DHX16: variants seen among roughly 807,000 people sequenced by gnomAD.
The protein encoded by DHX16 is pre-mRNA-splicing factor ATP-dependent RNA helicase DHX16.
DHX16 carries 81 observed loss-of-function variants against 131.2 expected under a neutral mutation model. That is an observed-to-expected ratio of 0.62 (90% CI 0.52 to 0.74). The LOEUF (loss-of-function observed/expected upper bound fraction) is 0.74, where lower values mean the gene tolerates loss of function less well. Among genes scored for constraint, DHX16 ranks in the 30% least tolerant of loss-of-function variants. The probability of loss-of-function intolerance (pLI) is 0.00; values close to 1 mark genes in which losing one functional copy is unlikely to be tolerated. For missense variants in DHX16, 980 were observed against 1,363.1 expected (o/e 0.72, Z 4.43); for synonymous variants, 440 against 520.2 (o/e 0.85, Z 2.10).
Position 30,655,220 on chromosome 6 carries a change from T to G in DHX16, c.2778A>C (p.Glu926Asp). The change falls in exon 18 of 20, where the codon GAA becomes GAC. Residue 926 changes from glutamate (E) to aspartate (D), a missense_variant. Around this residue, in one of 3 missense-constraint regions of DHX16, gnomAD observed 214 missense variants for 271.2 expected, o/e 0.79. Coordinates refer to ENST00000376442, the MANE Select transcript of DHX16 (RefSeq NM_003587.5). The part of the protein sequence containing the change: ...EQLEGLLERV[E>D]VGLSSCQGDY... ...CCCCCTGGCAGGAACTGAGACCAACTTCCACACGTTCCAAGAGCCCTTCCA... is the reference window on the plus strand; with the variant it reads ...CCCCCTGGCAGGAACTGAGACCAACGTCCACACGTTCCAAGAGCCCTTCCA... 1 of 1,614,054 alleles carries G rather than the reference T, an allele frequency of 6.2e-7. No homozygotes were observed. The highest frequency in any genetic ancestry group is 2.2e-5 in the East Asian group (1 of 44,898).
At position 30,665,516 on chromosome 6, in the gene DHX16, G is replaced by A. The variant is rs903369361; in HGVS notation, c.884C>T (p.Thr295Ile). ...AAGEQEKLEA[T>I]NRYHMPKETR... ...TTCCTTGGGCATGTGGTAGCGATTG[G>A]TGGCCTCCAGCTTCTCCTGCTCCCC... The change falls in exon 5 of 20, where the codon ACC becomes ATC. Residue 295 changes from threonine (T) to isoleucine (I), a missense_variant. This residue lies in a region of DHX16 where 457 missense variants were observed against 554.8 expected (regional missense o/e 0.82). Transcript: ENST00000376442. This position sits in a 1 kb window ranked among gnomAD's most constrained non-coding sequence, Gnocchi z 4.8. The A allele has an allele frequency of 8.7e-6, 14 of 1,612,898 alleles. No individual in the cohort carries two copies. Among genetic ancestry groups the A allele is most frequent in the African/African-American group, 1.3e-5 (1 of 74,906 alleles).
intron 7 of DHX16, among the ~76,000 whole-genome samples, chr6:30,664,119 C>A (rs1456679837): frequency 1.3e-5 from 2 of 151,938 alleles, no homozygotes; most frequent in Non-Finnish European, 1.5e-5. Flanking sequence ...GCCCAGGAGT[C>A]CCAGGTTGCA....
In DHX16 at chr6:30,672,888, C is replaced by T. The variant is rs752187758; in HGVS notation, c.-47G>A. 5 of 1,605,692 alleles carry T rather than the reference C, an allele frequency of 3.1e-6. No homozygotes were observed. The highest frequency in any genetic ancestry group is 2.3e-5 in the East Asian group (1 of 44,326). On this transcript the variant is annotated 5_prime_UTR_variant, in exon 1 of 20. Transcript: ENST00000376442. ...CCGGCCCTGAAGCGTCGGGCAGCCG[C>T]GCTCACTGCTGGGCCGGTCAGAGGC...
Position 30,659,480 on chromosome 6 carries a change from C to A in DHX16, c.1999G>T (p.Ala667Ser). 1 of 1,592,632 alleles carries A rather than the reference C, an allele frequency of 6.3e-7. No individual in the cohort carries two copies. The highest frequency in any genetic ancestry group is 8.5e-7 in the Non-Finnish European group (1 of 1,169,866). The change falls in exon 12 of 20, where the codon GCA becomes TCA. Residue 667 changes from alanine (A) to serine (S), a missense_variant. Transcript: ENST00000376442. ...ARIFQPTPPGARKVVVATNIA... is the reference protein window; with the variant it reads ...ARIFQPTPPGSRKVVVATNIA... ...GGGTTTCTCCAACTGACCTTTCGTGCCCCAGGTGGTGTGGGCTGGAAGATA... is the reference window on the plus strand; with the variant it reads ...GGGTTTCTCCAACTGACCTTTCGTGACCCAGGTGGTGTGGGCTGGAAGATA...
At chr6:30,667,620 A>G (rs1017177094) in intron 4 of DHX16, among the ~76,000 whole-genome samples, 2 of 151,974 alleles carry the variant, frequency 1.3e-5, no homozygotes, top group Admixed American at 6.6e-5. Context: ...GCAATCCCCA[A>G]TAAAAATAAC....
chr6:30,671,514 T>C (rs1582971874), intron 1 of DHX16, among the ~76,000 whole-genome samples: 1 of 150,414 alleles, frequency 6.6e-6, no homozygotes, highest in African/African-American at 2.5e-5. Flanking sequence ...CGCCCGACTA[T>C]TTTTGTATTT....
intron 1 of DHX16, 83 bp from the exon 2 acceptor site, chr6:30,671,357 ATTAC>A (rs1769534927): frequency 1.5e-6 from 2 of 1,340,672 alleles, no homozygotes; most frequent in Non-Finnish European, 2.1e-6. Context: ...AATTTAAGCA[ATTAC>A]TTAGTCTTTC....
In DHX16 at chr6:30,653,180, A is replaced by G; in HGVS notation, c.*62T>C. On this transcript the variant is annotated 3_prime_UTR_variant, in exon 20 of 20. Transcript: ENST00000376442. The stretch of plus-strand genomic sequence containing the variant: ...TATTCCAAAAATAATTTTATTTAAT[A>G]GGTATTAAATAATGTATAGAAGGAA... The G allele has an allele frequency of 1.3e-6, 2 of 1,532,358 alleles. No homozygotes were observed. The highest frequency in any genetic ancestry group is 2.2e-5 in the Admixed American group (1 of 46,044). The allele number at this position is 1,532,358 out of a possible 1,614,324, so 94.9% of individuals were successfully genotyped here.
chr6:30,660,455 A>C, intron 9 of DHX16: 1 of 437,138 alleles, frequency 2.3e-6, no homozygotes, highest in Admixed American at 3.9e-5. Flanking sequence ...AACCTATCCC[A>C]GCCTCAGCAG....
Position 30,656,312 on chromosome 6 carries a change from C to T in DHX16, c.2431-47G>A. 1 of 1,612,388 alleles carries T rather than the reference C, an allele frequency of 6.2e-7. No homozygotes were observed. The highest frequency in any genetic ancestry group is 8.5e-7 in the Non-Finnish European group (1 of 1,178,652). ...TTGAGCCCAGTCCTCCCTCAGGTTT[C>T]CCGCTACTACTACAGGGGTCCCTGG... is the stretch of plus-strand genomic sequence containing the variant. On this transcript the variant is annotated intron_variant, in intron 15 of 19. Transcript: ENST00000376442. This position sits in a 1 kb window ranked among gnomAD's most constrained non-coding sequence, Gnocchi z 5.1.
rs187119719 is a variant in DHX16, at chr6:30,658,204, A to G, written c.2008-1112T>C. On this transcript the variant is annotated intron_variant, in intron 12 of 19. Transcript: ENST00000376442. The stretch of plus-strand genomic sequence containing the variant: ...CGGATCACTTGAGTCCAGGAGTTCA[A>G]GACCAGCCTGGCCAACATGGCGAAA... Among the ~76,000 whole-genome samples the G allele has an allele frequency of 4.8e-4, 73 of 152,316 alleles. No homozygotes were observed. The South Asian group carries it at 8.9e-3, about 19-fold the overall frequency.
intron 1 of DHX16, 134 bp from the exon 2 acceptor site, chr6:30,671,408 C>G (rs1769540883): frequency 2.4e-6 from 2 of 819,266 alleles, no homozygotes; most frequent in Non-Finnish European, 3.9e-6. Context: ...CAGGCAATGG[C>G]GTGATCTCGG....
Position 30,670,665 on chromosome 6 carries a change from G to A in DHX16, c.609+125C>T, listed in dbSNP as rs1027438725. 1.4e-6 allele frequency: 2 copies of A among 1,381,152 alleles called. No homozygotes were observed. Among genetic ancestry groups the A allele is most frequent in the East Asian group, 2.3e-5 (1 of 43,176 alleles). 85.6% of individuals were successfully genotyped at this position (1,381,152 alleles called of 1,614,324 possible). A position where few individuals can be genotyped will look rare whatever the true frequency, so the allele number is the denominator to read the frequency against. ...GATGCACAGGGCTTCTCTCACCACA[G>A]AGGTGAACATCTCACTAGAGACAGC... is the stretch of plus-strand genomic sequence containing the variant. On this transcript the variant is annotated intron_variant, in intron 3 of 19. Coordinates refer to ENST00000376442, the MANE Select transcript of DHX16 (RefSeq NM_003587.5). This position sits in a 1 kb window ranked among gnomAD's most constrained non-coding sequence, Gnocchi z 4.4.
intron 4 of DHX16, among the ~76,000 whole-genome samples, chr6:30,668,650 C>CA (rs570726923): frequency 1.5e-4 from 22 of 149,384 alleles, no homozygotes; most frequent in South Asian, 8.4e-4. Context: ...GATTCTGTCT[C>CA]AAAAAAAACC....
Position 30,656,908 on chromosome 6 carries a change from G to A in DHX16, c.2148+44C>T, listed in dbSNP as rs371537749. ...TGCTTCTGAGTTGGACCTTCTCTGT[G>A]GGCCAACTCCACCTCCCCCACTCCC... On this transcript the variant is annotated intron_variant, in intron 13 of 19. Transcript: ENST00000376442. The surrounding 1 kb of genome is among the most constrained non-coding windows in gnomAD (Gnocchi z 5.1). The A allele has an allele frequency of 3.8e-6, 6 of 1,597,184 alleles. No individual in the cohort carries two copies. In the African/African-American group the frequency reaches 5.4e-5, roughly 14 times the overall value.
chr6:30,655,053 AC>A, intron 18 of DHX16, 121 bp downstream of exon 18: 1 of 1,444,910 alleles, frequency 6.9e-7, no homozygotes. Context: ...CTGGGAGGAC[AC>A]GTCATACACA....
At chr6:30,660,401 T>C (rs1049641937) in intron 9 of DHX16, 159 bp from the exon 10 acceptor site, 2 of 545,276 alleles carry the variant, frequency 3.7e-6, no homozygotes, top group Admixed American at 3.7e-5. Flanking sequence ...CCCACTTATG[T>C]AGAGCAACAG....
At chr6:30,663,237 C>T (rs894026372) in intron 7 of DHX16, among the ~76,000 whole-genome samples, 13 of 152,128 alleles carry the variant, frequency 8.5e-5, no homozygotes, top group African/African-American at 3.1e-4. Flanking sequence ...AAGTTCATGA[C>T]TCTGCTAGAC....
chr6:30,655,258 C>T lies in DHX16; in HGVS notation c.2740G>A (p.Val914Met). The change falls in exon 18 of 20, where the codon GTG (valine) becomes ATG (methionine). Residue 914 changes from valine to methionine, a missense_variant. By Grantham distance (21) the Val-to-Met change is conservative. Transcript: ENST00000376442. ...AAGAGCCCTTCCAGCTGTTCCCGCACATCCCGGGCTCGGCGCATCGATCTG... is the reference window on the plus strand; with the variant it reads ...AAGAGCCCTTCCAGCTGTTCCCGCATATCCCGGGCTCGGCGCATCGATCTG... Reference protein sequence around the residue: ...QFRSMRRARDVREQLEGLLER... With the variant: ...QFRSMRRARDMREQLEGLLER... 2 of 1,614,206 alleles carry T rather than the reference C, an allele frequency of 1.2e-6. No homozygotes were observed. Among genetic ancestry groups the T allele is most frequent in the Non-Finnish European group, 8.5e-7 (1 of 1,180,048 alleles).
Sources: gnomAD v4.1 joint callset for allele counts (sites outside exome capture counted in the v4.1 genomes callset) on GRCh38, gnomAD v4.1.1 for gene constraint, gnomAD v4.1.1 regional missense constraint, Gnocchi (gnomAD v3.1) non-coding constraint, MANE v1.5 for transcripts, NCBI Gene and HGNC (gene_info 2026-07-23, HGNC 2026-07-21) for gene names.